The following WDFY4 variants were observed in gnomAD, a reference collection of about 807,000 sequenced individuals.
WDFY4 encodes WDFY family member 4.
WDFY4 carries 169 observed loss-of-function variants against 351.9 expected under a neutral mutation model. The observed-to-expected ratio is 0.48, with a 90% CI of 0.42 to 0.55. The LOEUF (loss-of-function observed/expected upper bound fraction) is 0.55, where lower values mean the gene tolerates loss of function less well. WDFY4 is among the 20% of genes least tolerant of loss of function. WDFY4 has a pLI of 0.00. For synonymous variants in WDFY4, 1,622 were observed against 1,574.6 expected (o/e 1.03, Z -0.71); for missense variants, 3,803 against 3,935.6 (o/e 0.97, Z 0.90).
rs117988760 is a variant in WDFY4 at position 48,966,183 on chromosome 10, A to G, written c.8437-343A>G. Reference sequence around the variant, plus strand: ...AGGGAGCCACGTTATCTAGGGAACGAAGAGGGTCACTCCAGCCTCATGATT... The same window carrying G: ...AGGGAGCCACGTTATCTAGGGAACGGAGAGGGTCACTCCAGCCTCATGATT... On this transcript the variant is annotated intron_variant, in intron 54 of 61. Transcript: ENST00000325239. 4.0e-4 allele frequency among the ~76,000 whole-genome samples: 61 copies of G among 152,296 alleles called. 2 individuals are homozygous for G. The East Asian group carries it at 0.011, about 28-fold the overall frequency.
rs1223733730 is a variant in WDFY4, at chr10:48,763,438, C to T, written c.2553+2998C>T. Among the ~76,000 whole-genome samples, 8 of 152,254 alleles carry T rather than the reference C, an allele frequency of 5.3e-5. No homozygotes were observed. In the East Asian group the frequency reaches 1.5e-3, roughly 29 times the overall value. ...GCATCTGGCTTCCTTAGCTGTATTT[C>T]ATACAACGCATTGTACTTGCAATTG... is the stretch of plus-strand genomic sequence containing the variant. On this transcript the variant is annotated intron_variant, in intron 13 of 61. Transcript: ENST00000325239.
At chr10:48,821,961 A>C (rs1171475882) in intron 34 of WDFY4, among the ~76,000 whole-genome samples, 1 of 152,222 alleles carries the variant, frequency 6.6e-6, no homozygotes, top group Non-Finnish European at 1.5e-5. Flanking sequence ...AGTTGAGATC[A>C]TCACACACAT....
intron 47 of WDFY4, among the ~76,000 whole-genome samples, chr10:48,919,145 A>C (rs1020133200): frequency 2.0e-5 from 3 of 152,218 alleles, no homozygotes; most frequent in African/African-American, 7.2e-5. Flanking sequence ...CTTTGAAAAG[A>C]TTAATGAAAC....
intron 1 of WDFY4, among the ~76,000 whole-genome samples, chr10:48,689,320 A>G (rs1365517259): frequency 6.6e-6 from 1 of 152,180 alleles, no homozygotes; most frequent in Non-Finnish European, 1.5e-5. Context: ...TTAAATATCA[A>G]AGTCTAGACC....
At chr10:48,829,713 A>C (rs1024414953) in intron 37 of WDFY4, among the ~76,000 whole-genome samples, 4 of 152,208 alleles carry the variant, frequency 2.6e-5, no homozygotes, top group Admixed American at 2.0e-4. Context: ...TTAGCTGGGC[A>C]TAGTGGCGGG....
At chr10:48,806,510 A>G (rs2067261766) in intron 27 of WDFY4, among the ~76,000 whole-genome samples, 1 of 152,114 alleles carries the variant, frequency 6.6e-6, no homozygotes, top group African/African-American at 2.4e-5. Flanking sequence ...CACTCAAGGG[A>G]AATGCCACCC....
chr10:48,833,238 G>T (rs909717688), intron 39 of WDFY4, among the ~76,000 whole-genome samples: 10 of 151,944 alleles, frequency 6.6e-5, no homozygotes, highest in Non-Finnish European at 1.2e-4. Context: ...TACGGTGGGT[G>T]GGGGGACAGG....
intron 14 of WDFY4, 35 bp downstream of exon 14, chr10:48,774,707 G>A: frequency 6.5e-7 from 1 of 1,550,228 alleles, no homozygotes. Context: ...CCGCCAAGCT[G>A]GGCAGCCATG....
chr10:48,820,134 C>A, intron 32 of WDFY4, 100 bp from the exon 33 acceptor site: 1 of 1,309,284 alleles, frequency 7.6e-7, no homozygotes, highest in East Asian at 2.5e-5. Flanking sequence ...GTACATGTCA[C>A]TGGGCATGAC....
chr10:48,870,518 C>T (rs1394306431), intron 40 of WDFY4, among the ~76,000 whole-genome samples: 1 of 150,976 alleles, frequency 6.6e-6, no homozygotes, highest in Non-Finnish European at 1.5e-5. Flanking sequence ...GCTTTCTAGC[C>T]TTCTAGCCTG....
At chr10:48,731,042 G>T (rs2064442186) in intron 8 of WDFY4, 68 bp from the exon 9 acceptor site, 3 of 1,431,256 alleles carry the variant, frequency 2.1e-6, no homozygotes, top group Non-Finnish European at 2.8e-6. Context: ...TCTTAGTAAT[G>T]AAAACATCTA....
intron 2 of WDFY4, among the ~76,000 whole-genome samples, chr10:48,714,544 T>C (rs2063848549): frequency 6.6e-6 from 1 of 152,198 alleles, no homozygotes; most frequent in Admixed American, 6.5e-5. Flanking sequence ...ACCTTTCCCA[T>C]CGTATGGTCT....
At position 48,974,522 on chromosome 10, in the gene WDFY4, A is replaced by AAAAAAAAACAACAAC. The variant is rs1190703044; in HGVS notation, c.8929-333_8929-332insACAACAACAAAAAAA. ...CGTCTCAAAAAAAAAAAAAAAAAAA[A>AAAAAAAAACAACAAC]AAAAAAACAACTCATGACATGAACT... is the stretch of plus-strand genomic sequence containing the variant. On this transcript the variant is annotated intron_variant, in intron 57 of 61. Coordinates refer to ENST00000325239, the MANE Select transcript of WDFY4 (RefSeq NM_001394531.1). Among the ~76,000 whole-genome samples, 6 of 27,220 alleles carry AAAAAAAAACAACAAC rather than the reference A, an allele frequency of 2.2e-4. 1 individual carries two copies. The highest frequency in any genetic ancestry group is 4.7e-3 in the East Asian group (1 of 212). 17.9% of individuals were successfully genotyped at this position (27,220 alleles called of 152,430 possible). A position where few individuals can be genotyped will look rare whatever the true frequency, so the allele number is the denominator to read the frequency against.
chr10:48,759,625 C>T lies in WDFY4; in HGVS notation c.2460-722C>T, dbSNP rs569140250. 4.6e-5 allele frequency among the ~76,000 whole-genome samples: 7 copies of T among 152,148 alleles called. No individual in the cohort carries two copies. In the South Asian group the frequency reaches 1.5e-3, roughly 32 times the overall value. On this transcript the variant is annotated intron_variant, in intron 12 of 61. Coordinates refer to ENST00000325239, the MANE Select transcript of WDFY4 (RefSeq NM_001394531.1). ...ATGGGGAAACCAAACAAAGAAAATC[C>T]CAGGGGATTTCCTCCATGCTCTGTG... is the stretch of plus-strand genomic sequence containing the variant.
intron 43 of WDFY4, among the ~76,000 whole-genome samples, chr10:48,882,681 AAG>A (rs1430218877): frequency 2.6e-5 from 4 of 152,128 alleles, no homozygotes; most frequent in African/African-American, 7.2e-5. Flanking sequence ...GAGAGGCAGC[AAG>A]AGAGAGAGGG....
intron 17 of WDFY4, among the ~76,000 whole-genome samples, chr10:48,778,244 G>A (rs2066100357): frequency 6.6e-6 from 1 of 152,230 alleles, no homozygotes; most frequent in South Asian, 2.1e-4. Flanking sequence ...TGTTCTGTGA[G>A]GACAATGGAC....
chr10:48,970,365 A>C, intron 57 of WDFY4, 76 bp downstream of exon 57: 1 of 1,503,062 alleles, frequency 6.7e-7, no homozygotes, highest in Non-Finnish European at 8.9e-7. Flanking sequence ...TCTGCCTGGC[A>C]TGGCACCTGG....
At chr10:48,933,852 C>T (rs980932961) in intron 47 of WDFY4, among the ~76,000 whole-genome samples, 24 of 152,026 alleles carry the variant, frequency 1.6e-4, no homozygotes, top group African/African-American at 5.3e-4. Context: ...CTCATCTCTC[C>T]GCTGATAGGA....
chr10:48,926,408 C>G (rs1178734277), intron 47 of WDFY4, among the ~76,000 whole-genome samples: 1 of 152,154 alleles, frequency 6.6e-6, no homozygotes, highest in Non-Finnish European at 1.5e-5. Flanking sequence ...AATGTCACCC[C>G]CTAGAGAGTC....
Sources: gnomAD v4.1 joint callset for allele counts (sites outside exome capture counted in the v4.1 genomes callset) on GRCh38, gnomAD v4.1.1 for gene constraint, MANE v1.5 for transcripts, NCBI Gene and HGNC (gene_info 2026-07-23, HGNC 2026-07-21) for gene names.